Variants in OPN4 observed in about 807,000 individuals in gnomAD.
OPN4 encodes opsin 4.
In OPN4, 43 loss-of-function variants were observed where a neutral mutation model predicts 49.5. The ratio of observed to expected loss-of-function variants is 0.87; its 90% CI spans 0.68 to 1.12. OPN4 has a LOEUF of 1.12. Ranked by LOEUF, OPN4 falls within the 50% of genes most tolerant of loss-of-function variation. The pLI is 0.00. For synonymous variants in OPN4, 263 were observed against 258.0 expected (o/e 1.02, Z -0.19); for missense variants, 657 against 643.9 (o/e 1.02, Z -0.22).
chr10:86,661,410 C>G, intron 7 of OPN4, 22 bp downstream of exon 7: 1 of 1,588,012 alleles, frequency 6.3e-7, no homozygotes, highest in Non-Finnish European at 8.6e-7. Context: ...TTCCAGAACC[C>G]CACACCTTGG....
chr10:86,659,362 G>C lies in OPN4; in HGVS notation c.694G>C (p.Val232Leu). ...GGACTACATGAGCTTCACGCCGGCC[G>C]TGCGTGCCTACACCATGCTTCTCTG... ...SWDYMSFTPA[V>L]RAYTMLLCCF... Residue 232 changes from valine to leucine, a missense_variant, in exon 5 of 10, where the codon GTG becomes CTG. Val to Leu is a conservative substitution (Grantham distance 32). Coordinates refer to ENST00000241891, the MANE Select transcript of OPN4 (RefSeq NM_033282.4). 14 of 1,613,944 alleles carry C rather than the reference G, an allele frequency of 8.7e-6. No individual in the cohort carries two copies. The highest frequency in any genetic ancestry group is 1.2e-5 in the Non-Finnish European group (14 of 1,180,020).
At chr10:86,663,471 C>A (rs542322225) in intron 8 of OPN4, among the ~76,000 whole-genome samples, 188 bp from the exon 9 acceptor site, 1 of 152,366 alleles carries the variant, frequency 6.6e-6, no homozygotes, top group Non-Finnish European at 1.5e-5. Context: ...CACACATACA[C>A]ACACCCTAGG....
rs1436327654 is a variant in OPN4 at position 86,660,026 on chromosome 10, C to T, written c.932C>T (p.Pro311Leu). The T allele has an allele frequency of 1.2e-6, 2 of 1,614,178 alleles. No individual in the cohort carries two copies. Among genetic ancestry groups the T allele is most frequent in the Admixed American group, 1.7e-5 (1 of 60,028 alleles). The change falls in exon 6 of 10, where the codon CCC (proline) becomes CTC (leucine). Residue 311 changes from proline (P) to leucine (L), a missense_variant. Pro to Leu is a moderately conservative substitution (Grantham distance 98). Transcript: ENST00000241891. ...VILLFVLSWA[P>L]YSAVALVAFA... ...CTCCTCTTCGTGCTCTCCTGGGCTC[C>T]CTATTCCGCTGTGGCCCTGGTGGCC...
In OPN4 at chr10:86,657,099, C is replaced by A; in HGVS notation, c.290+799C>A. ...CAGGTGGAGAAGGGAACCCAGGCTG[C>A]AGGGCCACACAGCCCCCTGGCTCTC... On this transcript the variant is annotated intron_variant, in intron 2 of 9. Coordinates refer to ENST00000241891, the MANE Select transcript of OPN4 (RefSeq NM_033282.4). The A allele has an allele frequency of 4.1e-6, 3 of 737,868 alleles. No individual in the cohort carries two copies. The Admixed American group carries it at 5.4e-5, about 13-fold the overall frequency. The allele number at this position is 737,868 out of a possible 1,614,324, so 45.7% of individuals were successfully genotyped here.
rs1464765196 is a variant in OPN4, at chr10:86,658,168, A to G, written c.424+3A>G. 1 of 1,613,168 alleles carries G rather than the reference A, an allele frequency of 6.2e-7. No individual in the cohort carries two copies. The highest frequency in any genetic ancestry group is 8.5e-7 in the Non-Finnish European group (1 of 1,179,848). ...GCAGTGGCTCTTTGGGGAGACAGGTAGATGCTGGGGCTCCCTTTTGCTGGA... is the reference window on the plus strand; with the variant it reads ...GCAGTGGCTCTTTGGGGAGACAGGTGGATGCTGGGGCTCCCTTTTGCTGGA... On this transcript the variant is annotated splice_donor_region_variant and intron_variant, in intron 3 of 9. Transcript: ENST00000241891.
intron 9 of OPN4, 37 bp from the exon 10 acceptor site, chr10:86,665,676 C>T (rs200956212): frequency 6.2e-7 from 1 of 1,600,186 alleles, no homozygotes. Context: ...CAGTGAACTG[C>T]TCCTCAGCTA....
intron 5 of OPN4, 42 bp from the exon 6 acceptor site, chr10:86,659,853 C>T (rs1000074284): frequency 1.9e-6 from 3 of 1,603,586 alleles, no homozygotes; most frequent in Non-Finnish European, 2.6e-6. Flanking sequence ...GTGCTGACTG[C>T]CACCCGACTA....
At chr10:86,663,560 A>T in intron 8 of OPN4, 99 bp from the exon 9 acceptor site, 2 of 1,142,072 alleles carry the variant, frequency 1.8e-6, no homozygotes, top group Non-Finnish European at 1.2e-6. Flanking sequence ...CGCAATGAAT[A>T]CCTGTTGGGA....
rs1178930090 is a variant in OPN4 at position 86,659,370 on chromosome 10, C to T, written c.702C>T (p.Ala234=). The T allele has an allele frequency of 6.2e-7, 1 of 1,613,934 alleles. No individual in the cohort carries two copies. Among genetic ancestry groups the T allele is most frequent in the Non-Finnish European group, 8.5e-7 (1 of 1,180,028 alleles). The change falls in exon 5 of 10, where the codon GCC becomes GCT. Residue 234 remains alanine (A), a synonymous_variant. Transcript: ENST00000241891. ...DYMSFTPAVR[A]YTMLLCCFVF... The stretch of plus-strand genomic sequence containing the variant: ...TGAGCTTCACGCCGGCCGTGCGTGC[C>T]TACACCATGCTTCTCTGCTGCTTCG...
chr10:86,657,090 C>G, intron 2 of OPN4: 1 of 709,778 alleles, frequency 1.4e-6, no homozygotes, highest in Non-Finnish European at 2.6e-6. Flanking sequence ...GAGAAGGGAA[C>G]CCAGGCTGCA....
At chr10:86,656,946 A>C (rs1448150983) in intron 2 of OPN4, among the ~76,000 whole-genome samples, 1 of 43,556 alleles carries the variant, frequency 2.3e-5, no homozygotes. Context: ...CTCCATCTCA[A>C]AAAAAAAAAA....
In OPN4 at chr10:86,665,848, C is replaced by G; in HGVS notation, c.*97C>G. The G allele has an allele frequency of 9.9e-7, 1 of 1,011,116 alleles. No homozygotes were observed. Among genetic ancestry groups the G allele is most frequent in the South Asian group, 1.4e-5 (1 of 71,076 alleles). 62.6% of individuals were successfully genotyped at this position (1,011,116 alleles called of 1,614,324 possible). ...CAGGATTATGCTGTGAGCCTGCAGG[C>G]TTTGGAAGTGGCCCTGTCACCCGTG... On this transcript the variant is annotated 3_prime_UTR_variant, in exon 10 of 10. Coordinates refer to ENST00000241891, the MANE Select transcript of OPN4 (RefSeq NM_033282.4).
chr10:86,665,634 C>A, intron 9 of OPN4, 79 bp from the exon 10 acceptor site: 1 of 1,225,806 alleles, frequency 8.2e-7, no homozygotes, highest in South Asian at 1.2e-5. Context: ...CTCGGTGACC[C>A]AGTGTGTGGA....
chr10:86,665,848 C>A lies in OPN4; in HGVS notation c.*97C>A. ...CAGGATTATGCTGTGAGCCTGCAGG[C>A]TTTGGAAGTGGCCCTGTCACCCGTG... is the stretch of plus-strand genomic sequence containing the variant. On this transcript the variant is annotated 3_prime_UTR_variant, in exon 10 of 10. Coordinates refer to ENST00000241891, the MANE Select transcript of OPN4 (RefSeq NM_033282.4). 2 of 1,011,114 alleles carry A rather than the reference C, an allele frequency of 2.0e-6. No individual in the cohort carries two copies. The highest frequency in any genetic ancestry group is 3.0e-6 in the Non-Finnish European group (2 of 657,812). The allele number at this position is 1,011,114 out of a possible 1,614,324, so 62.6% of individuals were successfully genotyped here.
At chr10:86,665,077 C>T (rs950474137) in intron 9 of OPN4, among the ~76,000 whole-genome samples, 3 of 152,130 alleles carry the variant, frequency 2.0e-5, no homozygotes, top group Non-Finnish European at 4.4e-5. Flanking sequence ...GATGAGGATA[C>T]AGCCTGTGTG....
Position 86,659,898 on chromosome 10 carries a change from T to C in OPN4, c.804T>C (p.Ala268=). Reference sequence around the variant, plus strand: ...CTGGACGATGCGTCCTTCCTAGGGCTCTCCAGACCTTCGGGGCCTGCAAGG... The same window carrying C: ...CTGGACGATGCGTCCTTCCTAGGGCCCTCCAGACCTTCGGGGCCTGCAAGG... ...IFRAIRETGR[A]LQTFGACKGN... Residue 268 remains alanine (A), a synonymous_variant, in exon 6 of 10, where the codon GCT becomes GCC. Coordinates refer to ENST00000241891, the MANE Select transcript of OPN4 (RefSeq NM_033282.4). 6.2e-7 allele frequency: 1 copy of C among 1,614,104 alleles called. No individual in the cohort carries two copies. The highest frequency in any genetic ancestry group is 1.1e-5 in the South Asian group (1 of 91,080).
At position 86,654,775 on chromosome 10, in the gene OPN4, C is replaced by G; in HGVS notation, c.-9C>G. On this transcript the variant is annotated 5_prime_UTR_variant, in exon 1 of 10. Coordinates refer to ENST00000241891, the MANE Select transcript of OPN4 (RefSeq NM_033282.4). ...CTGTGGGCTCGAGCAAGGACCATCC[C>G]AACTCAGGATGAACCCTCCTTCGGG... is the stretch of plus-strand genomic sequence containing the variant. 14 of 1,608,648 alleles carry G rather than the reference C, an allele frequency of 8.7e-6. No homozygotes were observed. The highest frequency in any genetic ancestry group is 1.2e-5 in the Non-Finnish European group (14 of 1,176,032).
chr10:86,666,052 G>A lies in OPN4; in HGVS notation c.*301G>A. The A allele has an allele frequency of 2.2e-6, 1 of 446,050 alleles. No homozygotes were observed. Among genetic ancestry groups the A allele is most frequent in the Non-Finnish European group, 4.0e-6 (1 of 249,498 alleles). The allele number at this position is 446,050 out of a possible 1,614,324, so 27.6% of individuals were successfully genotyped here. On this transcript the variant is annotated 3_prime_UTR_variant, in exon 10 of 10. Transcript: ENST00000241891. ...GTCTGCCTCTCCTCAAATGCTGTGT[G>A]CTGCAATTGTCCAGGCGATGACAAT...
chr10:86,660,070 G>A lies in OPN4; in HGVS notation c.965+11G>A. On this transcript the variant is annotated intron_variant, in intron 6 of 9. Transcript: ENST00000241891. ...GGTGGCCTTTGCTGGGTAAGCAGTG[G>A]CTAAAGGGTTGGGGAAGAGGCTGAA... 1 of 1,613,982 alleles carries A rather than the reference G, an allele frequency of 6.2e-7. No homozygotes were observed. The highest frequency in any genetic ancestry group is 8.5e-7 in the Non-Finnish European group (1 of 1,179,874).
Sources: allele counts gnomAD v4.1 joint callset (sites outside exome capture counted in the v4.1 genomes callset), GRCh38; gene constraint gnomAD v4.1.1; transcripts MANE v1.5; gene names NCBI Gene and HGNC (gene_info 2026-07-23, HGNC 2026-07-21).